Variants in CCSER1 observed in about 807,000 individuals in gnomAD.
CCSER1 encodes serine-rich coiled-coil domain-containing protein 1.
CCSER1 carries 41 observed loss-of-function variants against 82.0 expected under a neutral mutation model. The ratio of observed to expected loss-of-function variants is 0.50; its 90% CI spans 0.39 to 0.65. The LOEUF (loss-of-function observed/expected upper bound fraction) is 0.65, where lower values mean the gene tolerates loss of function less well. Ranked by LOEUF, CCSER1 falls within the 30% of genes least tolerant of loss-of-function variation. The pLI is 0.00. For synonymous variants in CCSER1, 414 were observed against 383.9 expected (o/e 1.08, Z -0.92); for missense variants, 1,119 against 1,064.2 (o/e 1.05, Z -0.72).
intron 6 of CCSER1, among the ~76,000 whole-genome samples, chr4:90,704,607 A>G (rs1220691866): frequency 6.6e-6 from 1 of 152,210 alleles, no homozygotes; most frequent in African/African-American, 2.4e-5. Flanking sequence ...ACTTTCAGGT[A>G]TACCAATCAG....
chr4:91,046,046 T>C (rs937604659), intron 9 of CCSER1, among the ~76,000 whole-genome samples: 1 of 151,982 alleles, frequency 6.6e-6, no homozygotes, highest in Non-Finnish European at 1.5e-5. Context: ...CAAGGTAATG[T>C]CATCAGTTAA....
chr4:91,222,080 C>T (rs1398141927), intron 10 of CCSER1, among the ~76,000 whole-genome samples: 2 of 151,544 alleles, frequency 1.3e-5, no homozygotes, highest in African/African-American at 4.9e-5. Flanking sequence ...TCTGTGTTAT[C>T]TCCATCACAT....
chr4:91,465,404 G>A (rs1475345311), intron 10 of CCSER1, among the ~76,000 whole-genome samples: 2 of 152,106 alleles, frequency 1.3e-5, no homozygotes, highest in African/African-American at 2.4e-5. Context: ...GAGAAAGCAG[G>A]AGGGATCTAA....
chr4:90,350,271 A>C (rs1388908885), intron 3 of CCSER1, among the ~76,000 whole-genome samples: 1 of 152,156 alleles, frequency 6.6e-6, no homozygotes, highest in East Asian at 1.9e-4. Context: ...AGGTAAACCC[A>C]GCAGATTATT....
intron 10 of CCSER1, among the ~76,000 whole-genome samples, chr4:91,157,837 G>A (rs1730966748): frequency 6.6e-6 from 1 of 151,960 alleles, no homozygotes; most frequent in African/African-American, 2.4e-5. Flanking sequence ...GATTGTCCAT[G>A]CTCCTTTTTC....
intron 4 of CCSER1, among the ~76,000 whole-genome samples, chr4:90,440,572 T>C (rs1447708928): frequency 6.6e-6 from 1 of 152,030 alleles, no homozygotes. Context: ...GGACAGGCAG[T>C]TGGTGGGCAA....
chr4:91,151,910 G>A (rs184223283), intron 10 of CCSER1, among the ~76,000 whole-genome samples: 1 of 152,270 alleles, frequency 6.6e-6, no homozygotes, highest in East Asian at 1.9e-4. Context: ...GGTCAATTTT[G>A]GAATAAGTGT....
chr4:91,455,219 T>C (rs964172656), intron 10 of CCSER1, among the ~76,000 whole-genome samples: 1 of 152,052 alleles, frequency 6.6e-6, no homozygotes, highest in Non-Finnish European at 1.5e-5. Flanking sequence ...ATCTGACTTA[T>C]GGAAAACTGA....
At chr4:90,950,611 T>C (rs11097281) in intron 9 of CCSER1, among the ~76,000 whole-genome samples, 144,685 of 152,162 alleles carry the variant, frequency 0.95, 68,869 homozygotes, top group African/African-American at 0.98. Context: ...TCTCTGTTTT[T>C]GGTACAGGCT....
intron 5 of CCSER1, among the ~76,000 whole-genome samples, chr4:90,624,522 A>G (rs905906878): frequency 2.0e-5 from 3 of 152,222 alleles, no homozygotes; most frequent in Non-Finnish European, 4.4e-5. Flanking sequence ...TACTGACGAG[A>G]GAATTACAGC....
intron 7 of CCSER1, among the ~76,000 whole-genome samples, chr4:90,725,959 G>A (rs1227387531): frequency 6.6e-6 from 1 of 151,822 alleles, no homozygotes; most frequent in South Asian, 2.1e-4. Context: ...TTTCATGTTA[G>A]TATTAGATTA....
intron 10 of CCSER1, among the ~76,000 whole-genome samples, chr4:91,574,735 G>A (rs1026487206): frequency 6.6e-6 from 1 of 151,794 alleles, no homozygotes; most frequent in Non-Finnish European, 1.5e-5. Flanking sequence ...GGACTACCAG[G>A]GACATTAGGG....
chr4:90,217,346 G>A (rs561794500), intron 1 of CCSER1, among the ~76,000 whole-genome samples: 5 of 152,152 alleles, frequency 3.3e-5, no homozygotes, highest in Admixed American at 6.5e-5. Context: ...ACAGGTGCCT[G>A]CCACCATGCC....
chr4:90,210,162 A>G (rs1309046360), intron 1 of CCSER1, among the ~76,000 whole-genome samples: 1 of 152,194 alleles, frequency 6.6e-6, no homozygotes, highest in Non-Finnish European at 1.5e-5. Flanking sequence ...GTTAAAAAGA[A>G]GGAAATTGAG....
chr4:90,410,699 C>G (rs1467985957), intron 4 of CCSER1, among the ~76,000 whole-genome samples: 1 of 152,008 alleles, frequency 6.6e-6, no homozygotes, highest in Non-Finnish European at 1.5e-5. Context: ...AATTGACACC[C>G]TAACATCACA....
chr4:90,745,769 A>C (rs1195513252), intron 7 of CCSER1, among the ~76,000 whole-genome samples: 1 of 135,678 alleles, frequency 7.4e-6, no homozygotes, highest in Non-Finnish European at 1.5e-5. Context: ...GGCTCACTGC[A>C]AGCTCCGCCT....
intron 10 of CCSER1, among the ~76,000 whole-genome samples, chr4:91,521,234 A>C (rs1308944268): frequency 6.6e-6 from 1 of 152,208 alleles, no homozygotes; most frequent in African/African-American, 2.4e-5. Context: ...TTATGGCTGC[A>C]TAGTATTCCA....
intron 1 of CCSER1, among the ~76,000 whole-genome samples, chr4:90,243,063 T>TCTC (rs1229400037): frequency 5.9e-5 from 6 of 102,220 alleles, no homozygotes; most frequent in African/African-American, 3.1e-4. Flanking sequence ...TCTCTCTCTC[T>TCTC]TTTTTTTTTT....
chr4:90,594,996 T>TTTTATA, intron 5 of CCSER1, among the ~76,000 whole-genome samples: 1 of 152,142 alleles, frequency 6.6e-6, no homozygotes, highest in East Asian at 1.9e-4. Context: ...AAGTAATATA[T>TTTTATA]TTTTATACTT....
Sources: gnomAD v4.1 joint callset for allele counts (sites outside exome capture counted in the v4.1 genomes callset) on GRCh38, gnomAD v4.1.1 for gene constraint, MANE v1.5 for transcripts, NCBI Gene and HGNC (gene_info 2026-07-23, HGNC 2026-07-21) for gene names.